Variants in SMAP1 observed in about 807,000 individuals in gnomAD.
SMAP1 encodes stromal membrane-associated protein 1.
In SMAP1, 24 loss-of-function variants were observed where a neutral mutation model predicts 58.5. That is an observed-to-expected ratio of 0.41 (90% CI 0.30 to 0.58). The LOEUF (loss-of-function observed/expected upper bound fraction) is 0.58. SMAP1 is among the 20% of genes least tolerant of loss of function. The pLI is 0.29. For synonymous variants in SMAP1, 216 were observed against 196.6 expected (o/e 1.10, Z -0.82); for missense variants, 563 against 566.3 (o/e 0.99, Z 0.06).
intron 2 of SMAP1, among the ~76,000 whole-genome samples, chr6:70,749,450 CCTT>C (rs1766184196): frequency 6.6e-6 from 1 of 152,120 alleles, no homozygotes; most frequent in South Asian, 2.1e-4. Flanking sequence ...CATGTGGCAT[CCTT>C]CTGTTAAACA....
chr6:70,738,463 A>C (rs1765698570), intron 2 of SMAP1, among the ~76,000 whole-genome samples: 1 of 151,964 alleles, frequency 6.6e-6, no homozygotes, highest in Non-Finnish European at 1.5e-5. Context: ...TTAAGAAAAA[A>C]AAAAAAAAAC....
chr6:70,804,225 T>G (rs1769009351), intron 6 of SMAP1, among the ~76,000 whole-genome samples: 1 of 152,218 alleles, frequency 6.6e-6, no homozygotes. Context: ...AATTGATCCC[T>G]TTACCGTTAT....
intron 1 of SMAP1, among the ~76,000 whole-genome samples, chr6:70,724,909 A>G (rs1356981807): frequency 6.6e-6 from 1 of 151,860 alleles, no homozygotes; most frequent in Non-Finnish European, 1.5e-5. Context: ...TATTGAGTGT[A>G]TTTGCTAGGA....
chr6:70,705,901 C>G (rs1038346526), intron 1 of SMAP1, among the ~76,000 whole-genome samples: 1 of 152,142 alleles, frequency 6.6e-6, no homozygotes, highest in African/African-American at 2.4e-5. Flanking sequence ...ATTGATAAAG[C>G]AAACCCAAGT....
chr6:70,797,967 T>C (rs1768677537), intron 5 of SMAP1, among the ~76,000 whole-genome samples: 1 of 152,118 alleles, frequency 6.6e-6, no homozygotes, highest in Non-Finnish European at 1.5e-5. Flanking sequence ...GTTGATACTT[T>C]TAATCCTTAA....
intron 6 of SMAP1, among the ~76,000 whole-genome samples, chr6:70,823,014 TAC>T (rs1309981135): frequency 6.3e-4 from 96 of 152,210 alleles, no homozygotes; most frequent in Non-Finnish European, 1.2e-3. Context: ...CTCTTTATAT[TAC>T]CTATCTATTC....
At chr6:70,765,233 A>G (rs994658734) in intron 3 of SMAP1, among the ~76,000 whole-genome samples, 1 of 152,218 alleles carries the variant, frequency 6.6e-6, no homozygotes, top group African/African-American at 2.4e-5. Context: ...CATATCCACC[A>G]TATAGAGCCT....
intron 2 of SMAP1, among the ~76,000 whole-genome samples, chr6:70,735,192 T>C (rs536976932): frequency 1.8e-4 from 28 of 152,320 alleles, no homozygotes; most frequent in Non-Finnish European, 3.1e-4. Flanking sequence ...CATTTAGTTT[T>C]ATGAGTCTTG....
chr6:70,783,559 A>T (rs943642512), intron 4 of SMAP1, among the ~76,000 whole-genome samples: 2 of 152,202 alleles, frequency 1.3e-5, no homozygotes, highest in African/African-American at 4.8e-5. Flanking sequence ...TTTGAAAAAA[A>T]ATTAGATGAA....
intron 7 of SMAP1, 21 bp downstream of exon 7, chr6:70,837,049 G>A (rs1209912304): frequency 6.6e-7 from 1 of 1,520,484 alleles, no homozygotes; most frequent in East Asian, 2.4e-5. Flanking sequence ...AAAAATAAAA[G>A]TCACTGCTGG....
intron 6 of SMAP1, among the ~76,000 whole-genome samples, chr6:70,822,624 A>C (rs1769938715): frequency 6.6e-6 from 1 of 152,176 alleles, no homozygotes; most frequent in South Asian, 2.1e-4. Context: ...GTACTTGGGT[A>C]TAATTTTTTG....
chr6:70,693,251 T>C (rs866890595), intron 1 of SMAP1, among the ~76,000 whole-genome samples: 6 of 151,838 alleles, frequency 4.0e-5, no homozygotes, highest in Middle Eastern at 3.2e-3. Flanking sequence ...TCTGGGTCTT[T>C]TGTGGTTTCA....
At chr6:70,768,092 G>C (rs1301811809) in intron 3 of SMAP1, among the ~76,000 whole-genome samples, 1 of 152,160 alleles carries the variant, frequency 6.6e-6, no homozygotes, top group Non-Finnish European at 1.5e-5. Flanking sequence ...TACATCCCAG[G>C]GATGAAGCCC....
At chr6:70,694,385 CA>C (rs1767312993) in intron 1 of SMAP1, 1 of 156,130 alleles carries the variant, frequency 6.4e-6, no homozygotes. Flanking sequence ...CTCATTTACA[CA>C]GTGAAAATCT....
At chr6:70,695,268 C>A (rs1017329833) in intron 1 of SMAP1, among the ~76,000 whole-genome samples, 1 of 152,048 alleles carries the variant, frequency 6.6e-6, no homozygotes, top group Admixed American at 6.6e-5. Flanking sequence ...ATTGGATGCC[C>A]TTTCTTTCTC....
At chr6:70,688,256 CTGT>C (rs1343819518) in intron 1 of SMAP1, among the ~76,000 whole-genome samples, 1 of 152,066 alleles carries the variant, frequency 6.6e-6, no homozygotes, top group African/African-American at 2.4e-5. Flanking sequence ...AATAAAGCTG[CTGT>C]TAACATTTTT....
intron 6 of SMAP1, among the ~76,000 whole-genome samples, chr6:70,818,832 T>C (rs544285050): frequency 2.0e-5 from 3 of 152,350 alleles, no homozygotes; most frequent in Non-Finnish European, 4.4e-5. Context: ...TTAAAATTTT[T>C]CTACGATGTT....
chr6:70,786,977 A>G (rs1036541247), intron 4 of SMAP1, among the ~76,000 whole-genome samples: 14 of 152,202 alleles, frequency 9.2e-5, no homozygotes, highest in African/African-American at 3.1e-4. Context: ...ACCAAAAAAG[A>G]GCCCGCATCG....
chr6:70,701,670 A>G (rs566347390), intron 1 of SMAP1, among the ~76,000 whole-genome samples: 31 of 152,218 alleles, frequency 2.0e-4, no homozygotes, highest in Middle Eastern at 3.4e-3. Context: ...AAGTCCCACA[A>G]TCACTGCGTT....
Sources: gnomAD v4.1 joint callset for allele counts (sites outside exome capture counted in the v4.1 genomes callset) on GRCh38, gnomAD v4.1.1 for gene constraint, MANE v1.5 for transcripts, NCBI Gene and HGNC (gene_info 2026-07-23, HGNC 2026-07-21) for gene names.